Variants in CDK14 observed in about 807,000 individuals in gnomAD.
CDK14 encodes the protein cyclin dependent kinase 14, also known as cyclin-dependent kinase 14.
Under a neutral mutation model 60.7 loss-of-function variants are expected in CDK14, and 34 were observed. The ratio of observed to expected loss-of-function variants is 0.56; its 90% CI spans 0.43 to 0.75. The LOEUF (loss-of-function observed/expected upper bound fraction) is 0.75, where lower values mean the gene tolerates loss of function less well. CDK14 is among the 30% of genes least tolerant of loss of function. CDK14 has a pLI of 0.00. For missense variants in CDK14, 482 were observed against 564.1 expected (o/e 0.85, Z 1.47); for synonymous variants, 197 against 203.7 (o/e 0.97, Z 0.28).
chr7:91,142,016 G>A (rs962716479), intron 14 of CDK14, among the ~76,000 whole-genome samples: 30 of 152,052 alleles, frequency 2.0e-4, no homozygotes, highest in Admixed American at 7.9e-4. Context: ...TAGTAGAGAC[G>A]GGGTTTCACC....
chr7:91,149,945 G>C (rs775574147), intron 14 of CDK14, among the ~76,000 whole-genome samples: 69 of 152,286 alleles, frequency 4.5e-4, no homozygotes, highest in Middle Eastern at 3.4e-3. Context: ...GGCTAACAAG[G>C]CACCATAGTT....
chr7:91,140,249 T>C (rs1380287232), intron 14 of CDK14, among the ~76,000 whole-genome samples: 3 of 152,174 alleles, frequency 2.0e-5, no homozygotes, highest in Non-Finnish European at 4.4e-5. Context: ...GAAAACAAAC[T>C]GACTTCCCTA....
intron 2 of CDK14, among the ~76,000 whole-genome samples, chr7:90,667,231 C>T (rs746700109): frequency 6.6e-6 from 1 of 152,064 alleles, no homozygotes; most frequent in Non-Finnish European, 1.5e-5. Flanking sequence ...ATTTTTGCAC[C>T]TACCAAATTA....
At chr7:90,905,001 G>A (rs1792647420) in intron 7 of CDK14, among the ~76,000 whole-genome samples, 1 of 152,164 alleles carries the variant, frequency 6.6e-6, no homozygotes, top group Non-Finnish European at 1.5e-5. Flanking sequence ...AGATGCACAA[G>A]GAGTTGAAAA....
At chr7:90,770,447 C>A (rs1382925501) in intron 4 of CDK14, among the ~76,000 whole-genome samples, 2 of 152,132 alleles carry the variant, frequency 1.3e-5, no homozygotes, top group Admixed American at 6.5e-5. Context: ...GTATTTTTAA[C>A]TTCTTTAGGT....
intron 7 of CDK14, among the ~76,000 whole-genome samples, chr7:90,915,799 G>T (rs1297586466): frequency 6.6e-6 from 1 of 152,138 alleles, no homozygotes; most frequent in Non-Finnish European, 1.5e-5. Flanking sequence ...TAATATGGAG[G>T]TTAATAGTAG....
chr7:91,172,193 T>A (rs1300003566), intron 14 of CDK14, among the ~76,000 whole-genome samples: 2 of 152,044 alleles, frequency 1.3e-5, no homozygotes, highest in Non-Finnish European at 2.9e-5. Flanking sequence ...TGAGACAGAG[T>A]CCCACCTTCA....
At chr7:90,853,918 G>GC (rs1471618305) in intron 5 of CDK14, among the ~76,000 whole-genome samples, 2 of 152,236 alleles carry the variant, frequency 1.3e-5, no homozygotes, top group East Asian at 3.9e-4. Flanking sequence ...TGCGGCTGTT[G>GC]CGAATGGTGA....
At chr7:90,713,753 C>T (rs1802146089) in intron 2 of CDK14, among the ~76,000 whole-genome samples, 1 of 150,870 alleles carries the variant, frequency 6.6e-6, no homozygotes, top group Non-Finnish European at 1.5e-5. Context: ...GTACGAAAGA[C>T]AATACAGTGG....
intron 3 of CDK14, among the ~76,000 whole-genome samples, chr7:90,736,676 A>G (rs1265532738): frequency 6.6e-6 from 1 of 152,138 alleles, no homozygotes; most frequent in African/African-American, 2.4e-5. Flanking sequence ...GTTATCTTTT[A>G]TAGGCTCCAA....
intron 5 of CDK14, among the ~76,000 whole-genome samples, chr7:90,819,429 A>G (rs985379764): frequency 6.6e-6 from 1 of 151,412 alleles, no homozygotes. Flanking sequence ...TGAAATGCCT[A>G]TTTTAGATAA....
intron 5 of CDK14, among the ~76,000 whole-genome samples, chr7:90,850,519 G>A (rs977770928): frequency 6.6e-6 from 1 of 152,138 alleles, no homozygotes; most frequent in African/African-American, 2.4e-5. Context: ...TAACCTTGGG[G>A]GTCAGGGAAC....
In CDK14 at chr7:90,863,041, A is replaced by G. The variant is rs964615687; in HGVS notation, c.545-134A>G. The G allele has an allele frequency of 5.7e-6, 3 of 530,748 alleles. No homozygotes were observed. The African/African-American group carries it at 5.9e-5, about 10-fold the overall frequency. The allele number at this position is 530,748 out of a possible 1,614,324, so 32.9% of individuals were successfully genotyped here. On this transcript the variant is annotated intron_variant, in intron 5 of 14. Transcript: ENST00000380050. ...AAAAAGTCTTGTTTTTCTACCCTTC[A>G]TTTTGAATTGTTATTGACTTGGAAC...
At chr7:90,967,528 A>G (rs969429499) in intron 9 of CDK14, among the ~76,000 whole-genome samples, 1 of 152,300 alleles carries the variant, frequency 6.6e-6, no homozygotes, top group African/African-American at 2.4e-5. Context: ...GACTGCTGCC[A>G]TCTTAGTGTG....
intron 2 of CDK14, among the ~76,000 whole-genome samples, chr7:90,713,987 C>T (rs1294928983): frequency 6.6e-6 from 1 of 152,110 alleles, no homozygotes. Flanking sequence ...AAGAGCTCAA[C>T]AAGTTAGCCA....
chr7:90,851,698 G>A (rs541016781), intron 5 of CDK14, among the ~76,000 whole-genome samples: 65 of 152,074 alleles, frequency 4.3e-4, no homozygotes, highest in African/African-American at 1.4e-3. Flanking sequence ...GTACAGAGAT[G>A]CAAGATTTCT....
chr7:90,896,383 A>C (rs1379324891), intron 6 of CDK14, among the ~76,000 whole-genome samples: 1 of 152,078 alleles, frequency 6.6e-6, no homozygotes, highest in Non-Finnish European at 1.5e-5. Context: ...CTGCCATTGA[A>C]CTTAAAACAC....
intron 2 of CDK14, among the ~76,000 whole-genome samples, chr7:90,636,625 G>C (rs1289298504): frequency 1.3e-5 from 2 of 151,780 alleles, no homozygotes; most frequent in South Asian, 4.2e-4. Flanking sequence ...CCCAGCTTTG[G>C]TATCAGGATG....
chr7:91,133,241 T>C (rs1800170973), intron 14 of CDK14, among the ~76,000 whole-genome samples: 1 of 152,140 alleles, frequency 6.6e-6, no homozygotes, highest in Admixed American at 6.6e-5. Context: ...TCTATGTACT[T>C]TAAGTCCCTG....
Sources: allele counts gnomAD v4.1 joint callset (sites outside exome capture counted in the v4.1 genomes callset), GRCh38; gene constraint gnomAD v4.1.1; transcripts MANE v1.5; gene names NCBI Gene and HGNC (gene_info 2026-07-23, HGNC 2026-07-21).